Variants in ST3GAL6 observed in about 807,000 individuals in gnomAD.
ST3GAL6 encodes the protein type 2 lactosamine alpha-2,3-sialyltransferase.
A neutral mutation model predicts 40.5 loss-of-function variants in ST3GAL6; 31 were observed. The observed-to-expected ratio is 0.77, with a 90% CI of 0.58 to 1.03. The LOEUF (loss-of-function observed/expected upper bound fraction) is 1.03. Among genes scored for constraint, ST3GAL6 ranks in the 50% least tolerant of loss-of-function variants. The probability of loss-of-function intolerance (pLI) is 0.00; values close to 1 mark genes in which losing one functional copy is unlikely to be tolerated. For synonymous variants in ST3GAL6, 129 were observed against 136.9 expected (o/e 0.94, Z 0.40); for missense variants, 357 against 393.2 (o/e 0.91, Z 0.78).
In ST3GAL6 at chr3:98,777,586, A is replaced by G. The variant is rs540997142; in HGVS notation, c.335+3603A>G. On this transcript the variant is annotated intron_variant, in intron 5 of 9. Coordinates refer to ENST00000483910, the MANE Select transcript of ST3GAL6 (RefSeq NM_001323368.2). ...CAAACATGATTTTAACAGATGAAGG[A>G]AACAAGATTATTGGGGAACAAATAG... Among the ~76,000 whole-genome samples the G allele has an allele frequency of 1.3e-3, 191 of 152,348 alleles. 1 individual carries two copies. The highest frequency in any genetic ancestry group is 4.4e-3 in the African/African-American group (183 of 41,582).
intron 3 of ST3GAL6, among the ~76,000 whole-genome samples, chr3:98,771,650 C>G (rs1939003702): frequency 6.6e-6 from 1 of 152,078 alleles, no homozygotes; most frequent in African/African-American, 2.4e-5. Context: ...TTTATTACTG[C>G]ACCTTGTTAT....
rs1055267694 is a variant in ST3GAL6 at position 98,794,920 on chromosome 3, T to C, written c.*1159T>C. On this transcript the variant is annotated 3_prime_UTR_variant, in exon 10 of 10. Transcript: ENST00000483910. Reference sequence around the variant, plus strand: ...CTTCTAAAAAATATAAAAAGTGAAGTTGGGATTTTTGGATTTAAATGGTAC... The same window carrying C: ...CTTCTAAAAAATATAAAAAGTGAAGCTGGGATTTTTGGATTTAAATGGTAC... 1 of 152,042 alleles carries C rather than the reference T, an allele frequency of 6.6e-6. No individual in the cohort carries two copies. Among genetic ancestry groups the C allele is most frequent in the South Asian group, 2.1e-4 (1 of 4,808 alleles). 9.4% of individuals were successfully genotyped at this position (152,042 alleles called of 1,614,324 possible). A position where few individuals can be genotyped will look rare whatever the true frequency, so the allele number is the denominator to read the frequency against.
chr3:98,748,187 G>A (rs1247713534), intron 1 of ST3GAL6, among the ~76,000 whole-genome samples: 2 of 152,208 alleles, frequency 1.3e-5, no homozygotes, highest in Non-Finnish European at 2.9e-5. Flanking sequence ...CATGAGGAAA[G>A]CTTCAAGTTG....
At chr3:98,770,405 C>T (rs566649632) in intron 2 of ST3GAL6, 33 of 159,164 alleles carry the variant, frequency 2.1e-4, no homozygotes, top group South Asian at 7.3e-4. Context: ...TAGAGTCCCC[C>T]GGATCCCAAG....
chr3:98,746,356 A>G (rs1484000658), intron 1 of ST3GAL6, among the ~76,000 whole-genome samples: 1 of 152,130 alleles, frequency 6.6e-6, no homozygotes, highest in Non-Finnish European at 1.5e-5. Flanking sequence ...AACAGACTCC[A>G]TTGTAACCCT....
At chr3:98,734,272 A>G (rs1265828702) in intron 1 of ST3GAL6, among the ~76,000 whole-genome samples, 1 of 152,146 alleles carries the variant, frequency 6.6e-6, no homozygotes, top group Admixed American at 6.5e-5. Context: ...TGACATTTGC[A>G]AGTTGGTTTA....
intron 1 of ST3GAL6, among the ~76,000 whole-genome samples, chr3:98,743,952 G>T (rs767367494): frequency 7.3e-6 from 1 of 137,578 alleles, no homozygotes; most frequent in Non-Finnish European, 1.5e-5. Flanking sequence ...CAGTACCTCA[G>T]ATTGTGACCT....
intron 6 of ST3GAL6, among the ~76,000 whole-genome samples, chr3:98,787,015 G>A (rs1016522821): frequency 8.6e-4 from 129 of 150,638 alleles, no homozygotes; most frequent in African/African-American, 2.9e-3. Flanking sequence ...TTTAAAGAAT[G>A]GCAAAGTTAG....
At chr3:98,792,250 A>G (rs1941268975) in intron 9 of ST3GAL6, among the ~76,000 whole-genome samples, 6 of 152,124 alleles carry the variant, frequency 3.9e-5, no homozygotes, top group Admixed American at 3.9e-4. Flanking sequence ...TAAGTACAGA[A>G]CCTTACTTTA....
intron 1 of ST3GAL6, among the ~76,000 whole-genome samples, chr3:98,764,514 G>T (rs910575286): frequency 2.6e-5 from 4 of 152,178 alleles, no homozygotes; most frequent in African/African-American, 9.7e-5. Flanking sequence ...TAAGGAGCTT[G>T]CAGGATTGCT....
intron 5 of ST3GAL6, among the ~76,000 whole-genome samples, chr3:98,779,703 T>C (rs1178636493): frequency 1.3e-5 from 2 of 152,236 alleles, no homozygotes; most frequent in Non-Finnish European, 2.9e-5. Context: ...CTTTAGCAGC[T>C]TTCCAGATTT....
chr3:98,781,346 G>A (rs561980666), intron 5 of ST3GAL6, among the ~76,000 whole-genome samples: 1 of 152,092 alleles, frequency 6.6e-6, no homozygotes, highest in African/African-American at 2.4e-5. Context: ...GGGGCTAGGG[G>A]AGGGATAGCA....
chr3:98,790,084 G>A (rs1332258374), intron 8 of ST3GAL6, among the ~76,000 whole-genome samples: 1 of 152,222 alleles, frequency 6.6e-6, no homozygotes, highest in African/African-American at 2.4e-5. Flanking sequence ...CCTGGGACAT[G>A]AGCAAGCAGC....
chr3:98,736,116 A>C (rs533524891), intron 1 of ST3GAL6, among the ~76,000 whole-genome samples: 1 of 152,178 alleles, frequency 6.6e-6, no homozygotes, highest in Admixed American at 6.5e-5. Flanking sequence ...TGTCCAGTTT[A>C]CCTTTTTACT....
At chr3:98,733,150 C>T (rs1000169846) in intron 1 of ST3GAL6, 2 of 1,244,662 alleles carry the variant, frequency 1.6e-6, no homozygotes, top group African/African-American at 3.2e-5. Context: ...CTGTTTGCCC[C>T]TCCACATATC....
At chr3:98,777,428 T>C (rs1185047608) in intron 5 of ST3GAL6, among the ~76,000 whole-genome samples, 1 of 152,194 alleles carries the variant, frequency 6.6e-6, no homozygotes, top group Non-Finnish European at 1.5e-5. Flanking sequence ...CCAGAACTGA[T>C]TGTTAAACAT....
At chr3:98,782,817 A>G in intron 5 of ST3GAL6, 1 of 508,720 alleles carries the variant, frequency 2.0e-6, no homozygotes, top group Non-Finnish European at 3.9e-6. Flanking sequence ...CAGGAGTTGA[A>G]TGAACCCCTG....
At position 98,784,955 on chromosome 3, in the gene ST3GAL6, A is replaced by T; in HGVS notation, c.346A>T (p.Lys116Ter). The change falls in exon 6 of 10, where the codon AAA becomes TAA. Residue 116 changes from lysine (K) to a stop codon, truncating the protein, a stop_gained. Coordinates refer to ENST00000483910, the MANE Select transcript of ST3GAL6 (RefSeq NM_001323368.2). LOFTEE classifies it high-confidence loss of function. ...LFDEFDNIPC[K>*]KCVVVGNGGV... ...CCATCTGTCCAACAGCATACCCTGTAAAAAGTGTGTGGTGGTTGGTAATGG... is the reference window on the plus strand; with the variant it reads ...CCATCTGTCCAACAGCATACCCTGTTAAAAGTGTGTGGTGGTTGGTAATGG... The T allele has an allele frequency of 6.2e-7, 1 of 1,613,074 alleles. No individual in the cohort carries two copies. Among genetic ancestry groups the T allele is most frequent in the South Asian group, 1.1e-5 (1 of 91,052 alleles).
intron 1 of ST3GAL6, chr3:98,756,343 C>T (rs766916323): frequency 7.8e-7 from 1 of 1,289,012 alleles, no homozygotes; most frequent in South Asian, 1.2e-5. Flanking sequence ...TTCTTAGAAA[C>T]ATACTATCTT....
Sources: gnomAD v4.1 joint callset for allele counts (sites outside exome capture counted in the v4.1 genomes callset) on GRCh38, gnomAD v4.1.1 for gene constraint, MANE v1.5 for transcripts, NCBI Gene and HGNC (gene_info 2026-07-23, HGNC 2026-07-21) for gene names.